The following C21orf91 variants were observed in gnomAD, a reference collection of about 807,000 sequenced individuals.
The protein encoded by C21orf91 is chromosome 21 open reading frame 91.
C21orf91 carries 26 observed loss-of-function variants against 32.9 expected under a neutral mutation model. The ratio of observed to expected loss-of-function variants is 0.79; its 90% CI spans 0.58 to 1.10. The LOEUF (loss-of-function observed/expected upper bound fraction) is 1.10, where lower values mean the gene tolerates loss of function less well. C21orf91 is among the 50% of genes least tolerant of loss of function. The pLI is 0.00. For synonymous variants in C21orf91, 126 were observed against 120.4 expected, an observed-to-expected ratio of 1.05 and a Z score of -0.31; for missense variants, 310 against 341.3, an observed-to-expected ratio of 0.91 and a Z score of 0.72.
In C21orf91 at chr21:17,795,212, GA is replaced by G; in HGVS notation, c.722del (p.Ile241ThrfsTer8). The G allele has an allele frequency of 6.2e-7, 1 of 1,606,278 alleles. No homozygotes were observed. The highest frequency in any genetic ancestry group is 8.5e-7 in the Non-Finnish European group (1 of 1,173,194). ...AGTACTGACAGTGATTCTTACCCTG[GA>G]TTTGCTGTAGGAGCTTTGCATTCAG... Reference protein sequence around the residue: ...EQLNAKLLQQIQEVFEELTHQ... With the variant: ...EQLNAKLLQQXQEVFEELTHQ... On this transcript the variant is annotated frameshift_variant, in exon 4 of 5. Transcript: ENST00000284881. LOFTEE classifies it high-confidence loss of function.
intron 4 of C21orf91, among the ~76,000 whole-genome samples, chr21:17,794,533 T>TA (rs1186818638): frequency 6.6e-6 from 1 of 152,200 alleles, no homozygotes; most frequent in Non-Finnish European, 1.5e-5. Context: ...TGGATGCAAG[T>TA]AGAGATACTG....
chr21:17,793,426 TG>T lies in C21orf91; in HGVS notation c.882del (p.Ile295Ter). On this transcript the variant is annotated frameshift_variant, in exon 5 of 5. Coordinates refer to ENST00000284881, the MANE Select transcript of C21orf91 (RefSeq NM_001100420.2). LOFTEE classifies it high-confidence loss of function. ...TAAGTCTGTTTAGGTCAGTTGTTTATGGGTAGGTGCGACTTCATTCCTGTTC... is the reference window on the plus strand; with the variant it reads ...TAAGTCTGTTTAGGTCAGTTGTTTATGGTAGGTGCGACTTCATTCCTGTTC... ...VGRTGMKSHL[P>X]INN 6.2e-7 allele frequency: 1 copy of T among 1,607,786 alleles called. No homozygotes were observed. Among genetic ancestry groups the T allele is most frequent in the Non-Finnish European group, 8.5e-7 (1 of 1,175,950 alleles).
chr21:17,812,885 T>C (rs1376424198), intron 2 of C21orf91, among the ~76,000 whole-genome samples: 1 of 152,230 alleles, frequency 6.6e-6, no homozygotes, highest in African/African-American at 2.4e-5. Flanking sequence ...CTTGACTTCC[T>C]GCCTTCTGCC....
intron 2 of C21orf91, among the ~76,000 whole-genome samples, chr21:17,815,682 CAG>C (rs139238662): frequency 0.033 from 5,043 of 150,888 alleles, 269 homozygotes; most frequent in African/African-American, 0.11. Context: ...TTTTTTGAGA[CAG>C]AGTTTTGCTC....
intron 1 of C21orf91, among the ~76,000 whole-genome samples, chr21:17,818,678 C>T (rs766313650): frequency 3.3e-5 from 5 of 152,258 alleles, no homozygotes; most frequent in Non-Finnish European, 5.9e-5. Context: ...GAGGCCTTTT[C>T]AGCTACCAGG....
chr21:17,817,907 T>C, intron 2 of C21orf91: 1 of 244,680 alleles, frequency 4.1e-6, no homozygotes, highest in African/African-American at 2.2e-5. Context: ...TTCAATAAGC[T>C]CTCAAACCAG....
intron 2 of C21orf91, among the ~76,000 whole-genome samples, chr21:17,815,828 T>C (rs1162450302): frequency 6.6e-6 from 1 of 152,208 alleles, no homozygotes; most frequent in African/African-American, 2.4e-5. Context: ...GCCTGGTTAA[T>C]TTTGTATTTT....
rs201848082 is a variant in C21orf91, at chr21:17,795,191, C to G, written c.727+17G>C. The G allele has an allele frequency of 6.4e-7, 1 of 1,569,496 alleles. No homozygotes were observed. The highest frequency in any genetic ancestry group is 1.7e-5 in the Admixed American group (1 of 59,938). On this transcript the variant is annotated intron_variant, in intron 4 of 4. Coordinates refer to ENST00000284881, the MANE Select transcript of C21orf91 (RefSeq NM_001100420.2). ...AAAATTTGTCACACACAAAAAAGTA[C>G]TGACAGTGATTCTTACCCTGGATTT...
chr21:17,813,330 A>C (rs2062645045), intron 2 of C21orf91, among the ~76,000 whole-genome samples: 1 of 152,258 alleles, frequency 6.6e-6, no homozygotes, highest in South Asian at 2.1e-4. Context: ...ATTGAGATTC[A>C]AATTGGTCCC....
chr21:17,797,247 ATATTAG>A, intron 2 of C21orf91, 129 bp from the exon 3 acceptor site: 1 of 576,612 alleles, frequency 1.7e-6, no homozygotes, highest in Non-Finnish European at 3.0e-6. Flanking sequence ...ATGCTAAAGA[ATATTAG>A]TATTAATATA....
In C21orf91 at chr21:17,795,192, T is replaced by G; in HGVS notation, c.727+16A>C. ...AAATTTGTCACACACAAAAAAGTACTGACAGTGATTCTTACCCTGGATTTG... is the reference window on the plus strand; with the variant it reads ...AAATTTGTCACACACAAAAAAGTACGGACAGTGATTCTTACCCTGGATTTG... On this transcript the variant is annotated intron_variant, in intron 4 of 4. Transcript: ENST00000284881. 1 of 1,574,512 alleles carries G rather than the reference T, an allele frequency of 6.4e-7. No individual in the cohort carries two copies. The highest frequency in any genetic ancestry group is 8.7e-7 in the Non-Finnish European group (1 of 1,144,314).
In C21orf91 at chr21:17,796,899, G is replaced by C. The variant is rs1002006418; in HGVS notation, c.347C>G (p.Pro116Arg). 6.2e-7 allele frequency: 1 copy of C among 1,613,692 alleles called. No homozygotes were observed. The highest frequency in any genetic ancestry group is 8.5e-7 in the Non-Finnish European group (1 of 1,179,768). ...CCTGAAATTAAACAGATGATGCTGG[G>C]GGTTTTTAGAACATTCAGAATCTGA... ...LDSDSECSKN[P>R]QHHLFNFRHK... Residue 116 changes from proline to arginine, a missense_variant, in exon 3 of 5, where the codon CCC becomes CGC. Pro to Arg is a moderately radical substitution (Grantham distance 103). Transcript: ENST00000284881.
At position 17,791,515 on chromosome 21, in the gene C21orf91, C is replaced by CT. The variant is rs1384667478; in HGVS notation, c.*1899dup. On this transcript the variant is annotated 3_prime_UTR_variant, in exon 5 of 5. Coordinates refer to ENST00000284881, the MANE Select transcript of C21orf91 (RefSeq NM_001100420.2). ...GATATCAAATGCAACATATCCCCAA[C>CT]TTTTATGACTGTCCCTAACTCATCT... 6.6e-6 allele frequency: 1 copy of CT among 152,178 alleles called. No individual in the cohort carries two copies. The highest frequency in any genetic ancestry group is 1.5e-5 in the Non-Finnish European group (1 of 68,000). 9.4% of individuals were successfully genotyped at this position (152,178 alleles called of 1,614,324 possible).
intron 2 of C21orf91, among the ~76,000 whole-genome samples, chr21:17,807,589 G>A (rs1388463000): frequency 2.6e-5 from 4 of 152,198 alleles, no homozygotes; most frequent in East Asian, 1.9e-4. Context: ...GGGAAACTTC[G>A]GAACTTCCTA....
intron 2 of C21orf91, among the ~76,000 whole-genome samples, chr21:17,800,038 T>A (rs907123893): frequency 1.3e-5 from 2 of 152,106 alleles, no homozygotes; most frequent in African/African-American, 4.8e-5. Flanking sequence ...AACATATCAG[T>A]GGCACTGATA....
At chr21:17,798,440 T>C (rs1043097085) in intron 2 of C21orf91, among the ~76,000 whole-genome samples, 13 of 152,244 alleles carry the variant, frequency 8.5e-5, no homozygotes, top group South Asian at 2.1e-4. Flanking sequence ...CTGTAAGCTA[T>C]GTGAACACAC....
At chr21:17,805,135 C>T (rs920247088) in intron 2 of C21orf91, among the ~76,000 whole-genome samples, 5 of 152,302 alleles carry the variant, frequency 3.3e-5, no homozygotes, top group South Asian at 2.1e-4. Context: ...TATTTAGCAT[C>T]TGAAATGTAG....
intron 2 of C21orf91, among the ~76,000 whole-genome samples, chr21:17,803,896 C>A (rs1349645673): frequency 6.6e-6 from 1 of 152,154 alleles, no homozygotes. Context: ...GTTTAGCCCA[C>A]AAATATTTTA....
chr21:17,808,434 G>A (rs577857024), intron 2 of C21orf91, among the ~76,000 whole-genome samples: 1 of 152,360 alleles, frequency 6.6e-6, no homozygotes, highest in South Asian at 2.1e-4. Flanking sequence ...CTAAGGCAGT[G>A]CAGATGGGAA....
Sources: gnomAD v4.1 joint callset for allele counts (sites outside exome capture counted in the v4.1 genomes callset) on GRCh38, gnomAD v4.1.1 for gene constraint, MANE v1.5 for transcripts, NCBI Gene and HGNC (gene_info 2026-07-23, HGNC 2026-07-21) for gene names.